OR14A2: variants seen among roughly 807,000 people sequenced by gnomAD.
The protein encoded by OR14A2 is olfactory receptor family 14 subfamily A member 2.
For synonymous variants in OR14A2, 114 were observed against 58.6 expected (o/e 1.95, Z -4.32); for missense variants, 237 against 152.9 (o/e 1.55, Z -2.90).
At chr1:247,733,085 G>A in the OR14A2 span, among the ~76,000 whole-genome samples, 1 of 152,124 alleles carries the variant, frequency 6.6e-6, no homozygotes, top group African/African-American at 2.4e-5. Flanking sequence ...GCCCTCAGGA[G>A]TTTCTTACTC....
chr1:247,747,123 T>C, the OR14A2 span: 1 of 152,244 alleles, frequency 6.6e-6, no homozygotes, highest in African/African-American at 2.4e-5. Context: ...TCTTCTAATA[T>C]CTTGCCTTGG....
At chr1:247,723,191 G>A (rs62619787) in exon 1 of OR14A2, 39,182 of 717,642 alleles carry the variant, frequency 0.055, 1,330 homozygotes, top group African/African-American at 0.083. Context: ...TAGGTTACAG[G>A]GTTAAATACT....
the OR14A2 span, among the ~76,000 whole-genome samples, chr1:247,740,486 A>T: frequency 1.3e-5 from 2 of 152,222 alleles, no homozygotes; most frequent in Non-Finnish European, 2.9e-5. Flanking sequence ...CTTTTTAAAA[A>T]TAAATTATGT....
the OR14A2 span, among the ~76,000 whole-genome samples, chr1:247,735,781 C>G: frequency 5.9e-5 from 9 of 151,940 alleles, no homozygotes; most frequent in African/African-American, 2.2e-4. Flanking sequence ...GAGTTTAACC[C>G]GGGGAGTTGG....
At chr1:247,740,223 C>G in the OR14A2 span, among the ~76,000 whole-genome samples, 2 of 152,178 alleles carry the variant, frequency 1.3e-5, no homozygotes, top group Non-Finnish European at 2.9e-5. Context: ...CCAGCATTCT[C>G]TTCAGTTAGT....
the OR14A2 span, among the ~76,000 whole-genome samples, chr1:247,741,650 G>A: frequency 6.6e-6 from 1 of 151,854 alleles, no homozygotes; most frequent in Non-Finnish European, 1.5e-5. Context: ...AGTTTCAATG[G>A]AAAAAAAGGG....
chr1:247,739,343 C>T, the OR14A2 span: 1 of 780,832 alleles, frequency 1.3e-6, no homozygotes, highest in South Asian at 1.3e-5. Context: ...TGCCTCACCT[C>T]ATTGTTGTCA....
chr1:247,734,075 G>A, the OR14A2 span, among the ~76,000 whole-genome samples: 1 of 152,160 alleles, frequency 6.6e-6, no homozygotes, highest in African/African-American at 2.4e-5. Flanking sequence ...TTCATCTTTT[G>A]AAGTTCTAAC....
the OR14A2 span, among the ~76,000 whole-genome samples, chr1:247,729,538 A>G: frequency 6.6e-6 from 1 of 152,106 alleles, no homozygotes; most frequent in Admixed American, 6.6e-5. Context: ...AAGAGTTTAT[A>G]TTAAGCCTAT....
the OR14A2 span, among the ~76,000 whole-genome samples, chr1:247,733,587 G>A: frequency 6.6e-6 from 1 of 152,022 alleles, no homozygotes; most frequent in Non-Finnish European, 1.5e-5. Context: ...ACCATTTAGA[G>A]GACTACAGGT....
At chr1:247,728,262 G>C (rs983425752), upstream of OR14A2, among the ~76,000 whole-genome samples, 3 of 152,102 alleles carry the variant, frequency 2.0e-5, no homozygotes, top group African/African-American at 7.2e-5. Context: ...TGCAAGGCTC[G>C]TTCAATATAC....
At chr1:247,736,081 A>G in the OR14A2 span, among the ~76,000 whole-genome samples, 4 of 151,380 alleles carry the variant, frequency 2.6e-5, no homozygotes, top group Non-Finnish European at 2.9e-5. Context: ...AGCCTTTGTT[A>G]TGAATGTTGC....
chr1:247,743,167 T>C, the OR14A2 span, among the ~76,000 whole-genome samples: 1 of 152,242 alleles, frequency 6.6e-6, no homozygotes, highest in Non-Finnish European at 1.5e-5. Flanking sequence ...TTCCACTTCC[T>C]GCCCACAGAG....
upstream of OR14A2, among the ~76,000 whole-genome samples, chr1:247,725,773 T>C (rs1224942308): frequency 7.6e-6 from 1 of 131,340 alleles, no homozygotes; most frequent in Non-Finnish European, 1.6e-5. Context: ...TGAGTGAGAA[T>C]ATGCGGTGTT....
the OR14A2 span, chr1:247,739,274 C>T: frequency 1.3e-6 from 1 of 780,856 alleles, no homozygotes; most frequent in South Asian, 1.3e-5. Flanking sequence ...TGTACATTTT[C>T]TCTGCTGTGT....
At chr1:247,736,642 ACACT>A in the OR14A2 span, among the ~76,000 whole-genome samples, 1 of 152,174 alleles carries the variant, frequency 6.6e-6, no homozygotes, top group Non-Finnish European at 1.5e-5. Flanking sequence ...ACTCAAAAGG[ACACT>A]CACTCACTCA....
chr1:247,739,541 T>C, the OR14A2 span: 2 of 775,562 alleles, frequency 2.6e-6, no homozygotes, highest in Non-Finnish European at 4.8e-6. Flanking sequence ...TTAGAAGCAG[T>C]GGGGTAATGA....
At chr1:247,724,270 A>G (rs1251186401), upstream of OR14A2, among the ~76,000 whole-genome samples, 2 of 152,056 alleles carry the variant, frequency 1.3e-5, no homozygotes, top group Non-Finnish European at 2.9e-5. Flanking sequence ...AAATTCCATT[A>G]GACTTTATGA....
chr1:247,739,394 AG>A, the OR14A2 span: 1 of 780,836 alleles, frequency 1.3e-6, no homozygotes, highest in East Asian at 2.4e-5. Context: ...ATTTAAAGCC[AG>A]GGTCTGATGC....
Sources: gnomAD v4.1 joint callset for allele counts (sites outside exome capture counted in the v4.1 genomes callset) on GRCh38, gnomAD v4.1.1 for gene constraint, MANE v1.5 for transcripts, NCBI Gene and HGNC (gene_info 2026-07-23, HGNC 2026-07-21) for gene names.